The following IGDCC3 variants were observed in gnomAD, a reference collection of about 807,000 sequenced individuals.
IGDCC3 encodes putative neuronal cell adhesion molecule.
A neutral mutation model predicts 72.0 loss-of-function variants in IGDCC3; 47 were observed. The observed-to-expected ratio is 0.65, with a 90% CI of 0.52 to 0.83. The LOEUF (loss-of-function observed/expected upper bound fraction) is 0.83. Among genes scored for constraint, IGDCC3 ranks in the 40% least tolerant of loss-of-function variants. The pLI, the probability that IGDCC3 is intolerant of heterozygous loss-of-function variation, is 0.00. For synonymous variants in IGDCC3, 477 were observed against 472.8 expected, an observed-to-expected ratio of 1.01 and a Z score of -0.11; for missense variants, 1,038 against 1,091.3, an observed-to-expected ratio of 0.95 and a Z score of 0.69.
At chr15:65,359,535 A>G (rs1476303286) in intron 2 of IGDCC3, among the ~76,000 whole-genome samples, 1 of 152,148 alleles carries the variant, frequency 6.6e-6, no homozygotes, top group East Asian at 1.9e-4. Context: ...GAAGACTGAG[A>G]TTTGAACTCA....
chr15:65,336,013 G>C (rs574318253), intron 2 of IGDCC3, 57 bp from the exon 3 acceptor site: 4 of 1,581,626 alleles, frequency 2.5e-6, no homozygotes, highest in South Asian at 2.2e-5. Flanking sequence ...AGGTAGGAGA[G>C]AATGGGCTGC....
intron 2 of IGDCC3, among the ~76,000 whole-genome samples, chr15:65,368,449 A>G (rs553591035): frequency 6.8e-4 from 104 of 152,334 alleles, no homozygotes; most frequent in Non-Finnish European, 1.1e-3. Flanking sequence ...TTAAGGGGCC[A>G]GCTGGCTGCC....
intron 2 of IGDCC3, among the ~76,000 whole-genome samples, chr15:65,342,926 C>T (rs559952647): frequency 1.5e-4 from 23 of 152,044 alleles, no homozygotes; most frequent in African/African-American, 5.3e-4. Context: ...CTCTTGGGCT[C>T]AGAACTGTTT....
At chr15:65,356,533 G>A (rs1249006220) in intron 2 of IGDCC3, among the ~76,000 whole-genome samples, 2 of 152,092 alleles carry the variant, frequency 1.3e-5, no homozygotes, top group Non-Finnish European at 2.9e-5. Flanking sequence ...AGGACACGAG[G>A]TGGCTCAACT....
intron 2 of IGDCC3, among the ~76,000 whole-genome samples, chr15:65,350,033 T>C (rs2091159790): frequency 6.6e-6 from 1 of 152,180 alleles, no homozygotes; most frequent in East Asian, 1.9e-4. Flanking sequence ...TCTAAGCACA[T>C]AGGAGGTTAC....
chr15:65,348,644 C>T (rs1567066082), intron 2 of IGDCC3, among the ~76,000 whole-genome samples: 1 of 152,072 alleles, frequency 6.6e-6, no homozygotes. Flanking sequence ...GTTAAAGGCC[C>T]CTCTTAATAA....
chr15:65,352,569 C>T (rs1240841696), intron 2 of IGDCC3, among the ~76,000 whole-genome samples: 1 of 152,012 alleles, frequency 6.6e-6, no homozygotes, highest in African/African-American at 2.4e-5. Context: ...TCCAGGAGCC[C>T]CAAGTTATCT....
intron 2 of IGDCC3, among the ~76,000 whole-genome samples, chr15:65,349,420 C>T (rs11636218): frequency 0.25 from 38,059 of 151,910 alleles, 5,198 homozygotes; most frequent in East Asian, 0.48. Context: ...TCTGTGCAAA[C>T]GGTTGAATGA....
At position 65,333,271 on chromosome 15, in the gene IGDCC3, C is replaced by A. The variant is rs754726071; in HGVS notation, c.968G>T (p.Arg323Leu). The stretch of plus-strand genomic sequence containing the variant: ...CTGATCCATACCTTGCACCACCAGC[C>A]GGCCCTGTGCCGTTCTCCTCACCCG... Reference protein sequence around the residue: ...GTRVRRTAQGRLVVQAPAEFV... With the variant: ...GTRVRRTAQGLLVVQAPAEFV... Residue 323 changes from arginine to leucine, a missense_variant, in exon 6 of 14, where the codon CGG becomes CTG. By Grantham distance (102) the Arg-to-Leu change is moderately radical. Coordinates refer to ENST00000327987, the MANE Select transcript of IGDCC3 (RefSeq NM_004884.4). The A allele has an allele frequency of 1.9e-6, 3 of 1,608,592 alleles. No individual in the cohort carries two copies. Among genetic ancestry groups the A allele is most frequent in the African/African-American group, 1.3e-5 (1 of 74,774 alleles).
chr15:65,331,399 T>C lies in IGDCC3; in HGVS notation c.1396+13A>G. 1 of 1,593,016 alleles carries C rather than the reference T, an allele frequency of 6.3e-7. No homozygotes were observed. The highest frequency in any genetic ancestry group is 8.6e-7 in the Non-Finnish European group (1 of 1,167,364). On this transcript the variant is annotated intron_variant, in intron 8 of 13. Transcript: ENST00000327987. ...GAATTAGAGGAAGGGGCAACAGAGC[T>C]GGCCACGCGCACCAGCAGCCTTCCT...
At chr15:65,355,752 C>A in intron 2 of IGDCC3, 2 of 447,146 alleles carry the variant, frequency 4.5e-6, no homozygotes, top group South Asian at 3.1e-5. Flanking sequence ...ATGAGAGAAT[C>A]CGGCATTGTG....
At chr15:65,345,151 A>G (rs1410551714) in intron 2 of IGDCC3, among the ~76,000 whole-genome samples, 2 of 152,196 alleles carry the variant, frequency 1.3e-5, no homozygotes, top group Non-Finnish European at 1.5e-5. Context: ...TTCAACAGAT[A>G]CTTACTGAAT....
Position 65,329,414 on chromosome 15 carries a change from T to A in IGDCC3, c.2181A>T (p.Ala727=). ...LEQLFPPASA[A]GQPDPRPTQD... ...CTGTGGGTCTGGGGTCCGGCTGCCC[T>A]GCTGCGCTGGCCGGGGGGAACAGCT... is the stretch of plus-strand genomic sequence containing the variant. Residue 727 remains alanine, a synonymous_variant, in exon 13 of 14, where the codon GCA becomes GCT. Transcript: ENST00000327987. The surrounding 1 kb of genome is among the most constrained non-coding windows in gnomAD (Gnocchi z 4.1). 1 of 1,596,286 alleles carries A rather than the reference T, an allele frequency of 6.3e-7. No homozygotes were observed. Among genetic ancestry groups the A allele is most frequent in the East Asian group, 2.2e-5 (1 of 44,738 alleles).
chr15:65,335,680 G>T, intron 3 of IGDCC3, 132 bp downstream of exon 3: 1 of 1,061,022 alleles, frequency 9.4e-7, no homozygotes, highest in Non-Finnish European at 1.4e-6. Context: ...AACTGTGGTT[G>T]CAGAAACACC....
In IGDCC3 at chr15:65,377,865, CGCCGGGGCCGGGGCTGGGGCTCCG is replaced by C. The variant is rs1384710242; in HGVS notation, c.-101_-78del. ...GGCTCACAGCGTCCCGCGGGGCCGG[CGCCGGGGCCGGGGCTGGGGCTCCG>C]GCCGGGGCCGAGCCCAGGCGGTGGG... On this transcript the variant is annotated 5_prime_UTR_variant, in exon 1 of 14. Transcript: ENST00000327987. This position sits in a 1 kb window ranked among gnomAD's most constrained non-coding sequence, Gnocchi z 4.9. The C allele has an allele frequency of 5.6e-6, 6 of 1,062,284 alleles. No individual in the cohort carries two copies. The highest frequency in any genetic ancestry group is 6.8e-6 in the Non-Finnish European group (6 of 881,226). 65.8% of individuals were successfully genotyped at this position (1,062,284 alleles called of 1,614,324 possible). A position where few individuals can be genotyped will look rare whatever the true frequency, so the allele number is the denominator to read the frequency against.
Position 65,330,350 on chromosome 15 carries a change from C to A in IGDCC3, c.1801G>T (p.Gly601Ter). 6.2e-7 allele frequency: 1 copy of A among 1,614,158 alleles called. No homozygotes were observed. ...AAGCGGACTGTGGCATTGCCATCTCCATGCTGGTTGTAGGCGAGCAGCTTC... is the reference window on the plus strand; with the variant it reads ...AAGCGGACTGTGGCATTGCCATCTCAATGCTGGTTGTAGGCGAGCAGCTTC... ...EVKLLAYNQH[G>*]DGNATVRFVS... is the part of the protein sequence containing the mutation. Residue 601 changes from glycine (G) to a stop codon, truncating the protein, a stop_gained, in exon 11 of 14, where the codon GGA becomes TGA. Transcript: ENST00000327987. LOFTEE classifies it high-confidence loss of function.
Position 65,331,594 on chromosome 15 carries a change from C to G in IGDCC3, c.1214G>C (p.Ser405Thr). ...GGCACTGGCCTGTGATGAGCCCGCA[C>G]TGTTCTCGGCCACACACTGATAAAT... ...EAIYQCVAEN[S>T]AGSSQASARL... Residue 405 changes from serine to threonine, a missense_variant, in exon 8 of 14, where the codon AGT becomes ACT. By Grantham distance (58) the Ser-to-Thr change is moderately conservative (BLOSUM62 1). Coordinates refer to ENST00000327987, the MANE Select transcript of IGDCC3 (RefSeq NM_004884.4). 6.2e-7 allele frequency: 1 copy of G among 1,613,682 alleles called. No homozygotes were observed. The highest frequency in any genetic ancestry group is 1.1e-5 in the South Asian group (1 of 90,992).
At position 65,329,454 on chromosome 15, in the gene IGDCC3, A is replaced by G. The variant is rs1371795645; in HGVS notation, c.2141T>C (p.Met714Thr). The change falls in exon 13 of 14, where the codon ATG (methionine) becomes ACG (threonine). Residue 714 changes from methionine to threonine, a missense_variant. Physicochemically the swap from Met to Thr is moderately conservative, Grantham distance 81. Coordinates refer to ENST00000327987, the MANE Select transcript of IGDCC3 (RefSeq NM_004884.4). This position sits in a 1 kb window ranked among gnomAD's most constrained non-coding sequence, Gnocchi z 4.1. ...GGGGAACAGCTGCTCCAGCTCCTTCATATCCACACGTTTCTCGTCTCGGCC... is the reference window on the plus strand; with the variant it reads ...GGGGAACAGCTGCTCCAGCTCCTTCGTATCCACACGTTTCTCGTCTCGGCC... ...QLGRDEKRVD[M>T]KELEQLFPPA... The G allele has an allele frequency of 2.5e-6, 4 of 1,610,158 alleles. No homozygotes were observed.
At chr15:65,355,546 G>A (rs868162901) in intron 2 of IGDCC3, among the ~76,000 whole-genome samples, 1 of 149,560 alleles carries the variant, frequency 6.7e-6, no homozygotes, top group Non-Finnish European at 1.5e-5. Flanking sequence ...CCTTCCCGGC[G>A]GCCGGGCCCG....
Sources: gnomAD v4.1 joint callset for allele counts (sites outside exome capture counted in the v4.1 genomes callset) on GRCh38, gnomAD v4.1.1 for gene constraint, Gnocchi (gnomAD v3.1) non-coding constraint, MANE v1.5 for transcripts, NCBI Gene and HGNC (gene_info 2026-07-23, HGNC 2026-07-21) for gene names.